The following CPAMD8 variants were observed in gnomAD, a reference collection of about 807,000 sequenced individuals.
The protein encoded by CPAMD8 is C3 and PZP like alpha-2-macroglobulin domain containing 8.
In CPAMD8, 146 loss-of-function variants were observed where a neutral mutation model predicts 224.7. The observed-to-expected ratio is 0.65, with a 90% CI of 0.57 to 0.75. The LOEUF (loss-of-function observed/expected upper bound fraction) is 0.75. Among genes scored for constraint, CPAMD8 ranks in the 30% least tolerant of loss-of-function variants. The probability of loss-of-function intolerance (pLI) is 0.00; values close to 1 mark genes in which losing one functional copy is unlikely to be tolerated. For missense variants in CPAMD8, 2,301 were observed against 2,537.5 expected (o/e 0.91, Z 2.00); for synonymous variants, 966 against 1,044.6 (o/e 0.92, Z 1.45).
At position 16,903,597 on chromosome 19, in the gene CPAMD8, A is replaced by G; in HGVS notation, c.4434T>C (p.Phe1478=). The stretch of plus-strand genomic sequence containing the variant: ...AGCAGCCGTCCCCCTTGGCACTCAC[A>G]AACAGCCCCGTGGGGAGGCTGGGGA... ...AAIPSLPTGL[F]VSAKGDGCCL... is the part of the protein sequence containing the mutation. Residue 1478 remains phenylalanine, a synonymous_variant, in exon 34 of 42, where the codon TTT becomes TTC. Coordinates refer to ENST00000443236, the MANE Select transcript of CPAMD8 (RefSeq NM_015692.5). 1 of 1,614,034 alleles carries G rather than the reference A, an allele frequency of 6.2e-7. No homozygotes were observed. Among genetic ancestry groups the G allele is most frequent in the East Asian group, 2.2e-5 (1 of 44,858 alleles).
chr19:17,010,537 C>A (rs540437388), intron 5 of CPAMD8, among the ~76,000 whole-genome samples: 2 of 152,184 alleles, frequency 1.3e-5, no homozygotes, highest in African/African-American at 2.4e-5. Flanking sequence ...CTGTGCCCAG[C>A]CTCAAAATTT....
At chr19:16,927,721 C>T (rs532403383) in intron 25 of CPAMD8, among the ~76,000 whole-genome samples, 44 of 152,328 alleles carry the variant, frequency 2.9e-4, no homozygotes, top group Admixed American at 1.0e-3. Context: ...TCACCCTACC[C>T]TGACCTCTGC....
intron 39 of CPAMD8, 26 bp from the exon 40 acceptor site, chr19:16,896,691 A>G: frequency 7.3e-7 from 1 of 1,373,694 alleles, no homozygotes; most frequent in Non-Finnish European, 9.5e-7. Flanking sequence ...GGCTCGACAG[A>G]CCCCCCACCC....
Position 16,938,385 on chromosome 19 carries a change from G to C in CPAMD8, c.2845+10C>G, listed in dbSNP as rs1249966290. The C allele has an allele frequency of 6.5e-7, 1 of 1,528,130 alleles. No individual in the cohort carries two copies. The highest frequency in any genetic ancestry group is 8.8e-7 in the Non-Finnish European group (1 of 1,136,068). 94.7% of individuals were successfully genotyped at this position (1,528,130 alleles called of 1,614,324 possible). ...GCCACACCTTAGCAGAATGGGCACG[G>C]GGGACTCACCACTGGGACAGAAGAA... On this transcript the variant is annotated intron_variant, in intron 23 of 41. Transcript: ENST00000443236.
At chr19:16,895,985 G>A in intron 41 of CPAMD8, 191 bp downstream of exon 41, 2 of 721,650 alleles carry the variant, frequency 2.8e-6, no homozygotes, top group South Asian at 1.5e-5. Context: ...GGCCAGGGTG[G>A]AGGGAGGATG....
Position 16,980,657 on chromosome 19 carries a change from C to T in CPAMD8, c.1425G>A (p.Lys475=). 1 of 1,561,234 alleles carries T rather than the reference C, an allele frequency of 6.4e-7. No individual in the cohort carries two copies. The highest frequency in any genetic ancestry group is 8.7e-7 in the Non-Finnish European group (1 of 1,155,372). ...QVGEEAYFSV[K]STCPCNFTLY... ...GGGTAAAGTTGCAGGGACATGTGGA[C>T]TTCACAGAAAAATAGGCTTCTTCCC... Residue 475 remains lysine (K), a synonymous_variant, in exon 14 of 42, where the codon AAG becomes AAA. Coordinates refer to ENST00000443236, the MANE Select transcript of CPAMD8 (RefSeq NM_015692.5).
Position 16,907,124 on chromosome 19 carries a change from G to T in CPAMD8, c.3862-7C>A. ...CAGTGGAGCCTCTCTCCTCCTGCAG[G>T]GTGGGGTGGGAAGGTGAAACCTGGG... On this transcript the variant is annotated splice_region_variant and splice_polypyrimidine_tract_variant and intron_variant, in intron 29 of 41. Coordinates refer to ENST00000443236, the MANE Select transcript of CPAMD8 (RefSeq NM_015692.5). 1.3e-6 allele frequency: 2 copies of T among 1,541,168 alleles called. No homozygotes were observed. The highest frequency in any genetic ancestry group is 1.7e-6 in the Non-Finnish European group (2 of 1,143,184).
At chr19:16,936,964 C>A (rs1401633393) in intron 23 of CPAMD8, among the ~76,000 whole-genome samples, 1 of 152,000 alleles carries the variant, frequency 6.6e-6, no homozygotes, top group Non-Finnish European at 1.5e-5. Context: ...GGTGGCAGAT[C>A]TTTTTTTCCC....
intron 3 of CPAMD8, among the ~76,000 whole-genome samples, chr19:17,017,590 C>A (rs902066471): frequency 6.6e-6 from 1 of 152,206 alleles, no homozygotes; most frequent in Non-Finnish European, 1.5e-5. Context: ...CCTCCACCCA[C>A]CAGATGCCAG....
intron 19 of CPAMD8, 177 bp downstream of exon 19, chr19:16,957,676 C>G: frequency 4.6e-6 from 3 of 656,350 alleles, no homozygotes; most frequent in Admixed American, 4.8e-5. Context: ...TCCAAATGTG[C>G]AGCGGGACTC....
chr19:17,014,698 G>C (rs2123185052), intron 3 of CPAMD8, among the ~76,000 whole-genome samples: 1 of 152,234 alleles, frequency 6.6e-6, no homozygotes, highest in African/African-American at 2.4e-5. Flanking sequence ...ATTACCATGA[G>C]AACAGTATGG....
intron 19 of CPAMD8, among the ~76,000 whole-genome samples, chr19:16,956,865 AC>A (rs1251673760): frequency 6.6e-6 from 1 of 151,892 alleles, no homozygotes; most frequent in East Asian, 1.9e-4. Context: ...ACAGGGTTTC[AC>A]CATGTTAGAG....
Position 17,019,293 on chromosome 19 carries a change from T to C in CPAMD8, c.267+1038A>G, listed in dbSNP as rs534820316. Among the ~76,000 whole-genome samples, 13 of 151,936 alleles carry C rather than the reference T, an allele frequency of 8.6e-5. No individual in the cohort carries two copies. The East Asian group carries it at 2.5e-3, about 30-fold the overall frequency. On this transcript the variant is annotated intron_variant, in intron 3 of 41. Transcript: ENST00000443236. Reference sequence around the variant, plus strand: ...GTGCGCCACCATGCCCAGTTAACTTTTGTATTTTTAGTAGAGATGGGGTTT... The same window carrying C: ...GTGCGCCACCATGCCCAGTTAACTTCTGTATTTTTAGTAGAGATGGGGTTT...
chr19:16,906,382 CTTTCTTTCTTTCTTTCTTTCT>C (rs2052501075), intron 30 of CPAMD8, among the ~76,000 whole-genome samples: 5 of 70,568 alleles, frequency 7.1e-5, no homozygotes, highest in South Asian at 6.1e-4. Context: ...TTCTTTCTTT[CTTTCTTTCTTTCTTTCTTTCT>C]TTCTTTCCTT....
rs1481910731 is a variant in CPAMD8, at chr19:17,002,317, G to A, written c.707C>T (p.Pro236Leu). 33 of 1,606,696 alleles carry A rather than the reference G, an allele frequency of 2.1e-5. No individual in the cohort carries two copies. Among genetic ancestry groups the A allele is most frequent in the Non-Finnish European group, 2.7e-5 (32 of 1,175,916 alleles). The change falls in exon 9 of 42, where the codon CCC (proline) becomes CTC (leucine). Residue 236 changes from proline to leucine, a missense_variant. Physicochemically the swap from Pro to Leu is moderately conservative, Grantham distance 98. Coordinates refer to ENST00000443236, the MANE Select transcript of CPAMD8 (RefSeq NM_015692.5). ...GGCGTCCAGGTCTTGGATATACCGG[G>A]GCGGGTCAATCAGAAGCTCAAACTT... ...LPKFELLIDP[P>L]RYIQDLDACE...
At chr19:16,964,644 T>G (rs1466764946) in intron 18 of CPAMD8, among the ~76,000 whole-genome samples, 1 of 152,180 alleles carries the variant, frequency 6.6e-6, no homozygotes. Flanking sequence ...CTTCTGAAAC[T>G]ATTCTAATCA....
At position 16,997,161 on chromosome 19, in the gene CPAMD8, A is replaced by G; in HGVS notation, c.1045T>C (p.Ser349Pro). The G allele has an allele frequency of 6.2e-7, 1 of 1,607,564 alleles. No individual in the cohort carries two copies. The highest frequency in any genetic ancestry group is 8.5e-7 in the Non-Finnish European group (1 of 1,174,296). The change falls in exon 11 of 42, where the codon TCC (serine) becomes CCC (proline). Residue 349 changes from serine (S) to proline (P), a missense_variant. Ser to Pro is a moderately conservative substitution (Grantham distance 74). This residue lies in a region of CPAMD8 where 301 missense variants were observed against 406.6 expected (regional missense o/e 0.74). Transcript: ENST00000443236. ...VQRQLVDIRY[S>P]KDTRKQFKPG... ...TTGAACTGCTTCCTCGTGTCCTTGG[A>G]GTACCGGATGTCCACCAGCTGCCTC...
intron 13 of CPAMD8, among the ~76,000 whole-genome samples, chr19:16,987,570 G>T (rs13346136): frequency 0.1 from 15,646 of 151,864 alleles, 958 homozygotes; most frequent in African/African-American, 0.15. Context: ...TTACATTATT[G>T]TAAGAATACA....
chr19:16,974,344 G>C (rs1357005725), intron 17 of CPAMD8, among the ~76,000 whole-genome samples: 1 of 151,832 alleles, frequency 6.6e-6, no homozygotes, highest in Non-Finnish European at 1.5e-5. Flanking sequence ...TCTAATCCCA[G>C]CGACTAGGGA....
Sources: gnomAD v4.1 joint callset for allele counts (sites outside exome capture counted in the v4.1 genomes callset) on GRCh38, gnomAD v4.1.1 for gene constraint, gnomAD v4.1.1 regional missense constraint, MANE v1.5 for transcripts, NCBI Gene and HGNC (gene_info 2026-07-23, HGNC 2026-07-21) for gene names.